SUSD4: variants seen among roughly 807,000 people sequenced by gnomAD.
SUSD4 encodes sushi domain containing 4.
Under a neutral mutation model 50.5 loss-of-function variants are expected in SUSD4, and 41 were observed. The ratio of observed to expected loss-of-function variants is 0.81; its 90% CI spans 0.63 to 1.05. The LOEUF (loss-of-function observed/expected upper bound fraction) is 1.05, where lower values mean the gene tolerates loss of function less well. Among genes scored for constraint, SUSD4 ranks in the 50% least tolerant of loss-of-function variants. The pLI, the probability that SUSD4 is intolerant of heterozygous loss-of-function variation, is 0.00. For missense variants in SUSD4, 580 were observed against 634.7 expected (o/e 0.91, Z 0.93); for synonymous variants, 257 against 257.3 (o/e 1.00, Z 0.01).
At chr1:223,349,695 C>T (rs914831827) in intron 2 of SUSD4, among the ~76,000 whole-genome samples, 2 of 152,170 alleles carry the variant, frequency 1.3e-5, no homozygotes, top group Non-Finnish European at 2.9e-5. Context: ...ATGTTCTTTC[C>T]CCCTTCTTCA....
At chr1:223,316,126 C>T (rs142875881) in intron 2 of SUSD4, among the ~76,000 whole-genome samples, 105 of 152,064 alleles carry the variant, frequency 6.9e-4, no homozygotes, top group African/African-American at 2.1e-3. Flanking sequence ...AGAGGTGCAG[C>T]GGGGGCTGGC....
intron 2 of SUSD4, among the ~76,000 whole-genome samples, chr1:223,322,249 T>C (rs934939066): frequency 1.3e-5 from 2 of 152,246 alleles, no homozygotes; most frequent in Non-Finnish European, 2.9e-5. Flanking sequence ...GTCAATTTCC[T>C]ACCTCCAGAA....
intron 3 of SUSD4, among the ~76,000 whole-genome samples, chr1:223,289,881 G>A (rs1664373727): frequency 6.6e-6 from 1 of 152,210 alleles, no homozygotes; most frequent in African/African-American, 2.4e-5. Flanking sequence ...ACTCAACCTT[G>A]TAGAGGAAAA....
intron 5 of SUSD4, among the ~76,000 whole-genome samples, chr1:223,253,245 C>T (rs1296119875): frequency 1.3e-5 from 2 of 152,056 alleles, no homozygotes; most frequent in South Asian, 2.1e-4. Flanking sequence ...CCTCTCTGCA[C>T]ACTCTAACTT....
chr1:223,344,894 G>C (rs1317790837), intron 2 of SUSD4, among the ~76,000 whole-genome samples: 1 of 152,160 alleles, frequency 6.6e-6, no homozygotes, highest in Non-Finnish European at 1.5e-5. Context: ...TGGGAATTTG[G>C]AAGCTAAAAG....
chr1:223,343,804 G>A (rs990186198), intron 2 of SUSD4, among the ~76,000 whole-genome samples: 33 of 152,276 alleles, frequency 2.2e-4, no homozygotes, highest in African/African-American at 7.7e-4. Flanking sequence ...CTGTAAACCC[G>A]TGAAGTCCCT....
intron 2 of SUSD4, among the ~76,000 whole-genome samples, chr1:223,361,284 A>G (rs947887578): frequency 7.9e-5 from 12 of 152,162 alleles, no homozygotes; most frequent in African/African-American, 2.4e-4. Context: ...GTTTATTCAT[A>G]GAGGAACTGT....
intron 5 of SUSD4, among the ~76,000 whole-genome samples, chr1:223,241,561 C>T (rs973145053): frequency 6.6e-6 from 1 of 152,122 alleles, no homozygotes; most frequent in Non-Finnish European, 1.5e-5. Context: ...CTTATGGATC[C>T]CTGAAGAGTT....
chr1:223,356,213 C>T (rs907353870), intron 2 of SUSD4, among the ~76,000 whole-genome samples: 32 of 151,038 alleles, frequency 2.1e-4, no homozygotes, highest in Non-Finnish European at 3.4e-4. Context: ...TAGGGTAGTA[C>T]GGCATCCTTT....
chr1:223,305,870 T>C (rs1346300071), intron 2 of SUSD4, among the ~76,000 whole-genome samples: 1 of 152,202 alleles, frequency 6.6e-6, no homozygotes, highest in African/African-American at 2.4e-5. Flanking sequence ...AGAAACTACA[T>C]TGAACACTGC....
chr1:223,349,257 A>AAT (rs752243152), intron 2 of SUSD4, among the ~76,000 whole-genome samples: 3 of 152,042 alleles, frequency 2.0e-5, no homozygotes, highest in Admixed American at 6.6e-5. Context: ...ATGACTTAAA[A>AAT]ATATATATAT....
chr1:223,222,081 G>A lies in SUSD4; in HGVS notation c.*111C>T, dbSNP rs1659166433. The A allele has an allele frequency of 3.7e-6, 4 of 1,075,188 alleles. No homozygotes were observed. Among genetic ancestry groups the A allele is most frequent in the African/African-American group, 1.6e-5 (1 of 62,540 alleles). 66.6% of individuals were successfully genotyped at this position (1,075,188 alleles called of 1,614,324 possible). On this transcript the variant is annotated 3_prime_UTR_variant, in exon 9 of 9. Coordinates refer to ENST00000366878, the MANE Select transcript of SUSD4 (RefSeq NM_017982.4). ...GCATAATGTGAACTGTGGTCCCCATGTAGACAAGTTAGACATTTTGCCCCC... is the reference window on the plus strand; with the variant it reads ...GCATAATGTGAACTGTGGTCCCCATATAGACAAGTTAGACATTTTGCCCCC...
Position 223,268,010 on chromosome 1 carries a change from T to TA in SUSD4, c.535+491_535+492insT, listed in dbSNP as rs1558196904. Reference sequence around the variant, plus strand: ...GATAATTTTTCTGCTCTTCATGCATTTTTTATATATATATATATATATATA... The same window carrying TA: ...GATAATTTTTCTGCTCTTCATGCATTATTTTATATATATATATATATATATA... On this transcript the variant is annotated intron_variant, in intron 4 of 8. Coordinates refer to ENST00000366878, the MANE Select transcript of SUSD4 (RefSeq NM_017982.4). 1.2e-3 allele frequency among the ~76,000 whole-genome samples: 53 copies of TA among 42,430 alleles called. 4 individuals carry two copies. The highest frequency in any genetic ancestry group is 4.3e-3 in the African/African-American group (45 of 10,526). The allele number at this position is 42,430 out of a possible 152,430, so 27.8% of individuals were successfully genotyped here.
At chr1:223,228,543 T>G (rs1025021312) in intron 6 of SUSD4, among the ~76,000 whole-genome samples, 6 of 152,330 alleles carry the variant, frequency 3.9e-5, no homozygotes, top group East Asian at 3.9e-4. Context: ...CCAGTCTCTA[T>G]CCTGTGGTCA....
chr1:223,302,231 C>T lies in SUSD4; in HGVS notation c.149-9580G>A, dbSNP rs368179959. 2.5e-4 allele frequency among the ~76,000 whole-genome samples: 38 copies of T among 152,320 alleles called. No homozygotes were observed. In the East Asian group the frequency reaches 3.9e-3, roughly 15 times the overall value. On this transcript the variant is annotated intron_variant, in intron 2 of 8. Transcript: ENST00000366878. The stretch of plus-strand genomic sequence containing the variant: ...GCCTACCCAGAAGCAAAAGCCTGTA[C>T]AGCCTGCAGAACCATGAGCACAATT...
intron 2 of SUSD4, among the ~76,000 whole-genome samples, chr1:223,328,378 C>A (rs1666993242): frequency 6.6e-6 from 1 of 152,214 alleles, no homozygotes; most frequent in African/African-American, 2.4e-5. Context: ...TAAGCCCCAC[C>A]AGTCCCCTTC....
chr1:223,310,402 C>T (rs1186526720), intron 2 of SUSD4, among the ~76,000 whole-genome samples: 2 of 152,282 alleles, frequency 1.3e-5, no homozygotes, highest in African/African-American at 4.8e-5. Context: ...TGAGCCAAAA[C>T]AATTCCTAAC....
At chr1:223,272,795 C>G (rs1483720455) in intron 3 of SUSD4, among the ~76,000 whole-genome samples, 3 of 152,190 alleles carry the variant, frequency 2.0e-5, no homozygotes, top group East Asian at 1.9e-4. Context: ...ATTCATCCAG[C>G]TGTTCATTCA....
Position 223,229,022 on chromosome 1 carries a change from A to G in SUSD4, c.916+175T>C, listed in dbSNP as rs1174015032. ...GACTGTCTGAACAGGACCTACAAGC[A>G]TCTGGCACAGAGCCCAACAGCAGCC... On this transcript the variant is annotated intron_variant, in intron 6 of 8. Transcript: ENST00000366878. This position sits in a 1 kb window ranked among gnomAD's most constrained non-coding sequence, Gnocchi z 4.7. 1.3e-5 allele frequency among the ~76,000 whole-genome samples: 2 copies of G among 152,046 alleles called. No individual in the cohort carries two copies. Among genetic ancestry groups the G allele is most frequent in the Non-Finnish European group, 2.9e-5 (2 of 67,992 alleles).
Sources: allele counts gnomAD v4.1 joint callset (sites outside exome capture counted in the v4.1 genomes callset), GRCh38; gene constraint gnomAD v4.1.1; non-coding constraint Gnocchi (gnomAD v3.1); transcripts MANE v1.5; gene names NCBI Gene and HGNC (gene_info 2026-07-23, HGNC 2026-07-21).